The following TPRX1 variants were observed in gnomAD, a reference collection of about 807,000 sequenced individuals.
TPRX1 encodes the protein tetra-peptide repeat homeobox protein 1.
A neutral mutation model predicts 8.1 loss-of-function variants in TPRX1; 2 were observed. That is an observed-to-expected ratio of 0.25 (90% confidence interval 0.10 to 0.78). The LOEUF is 0.78. Ranked by LOEUF, TPRX1 falls within the 30% of genes least tolerant of loss-of-function variation. TPRX1 has a pLI of 0.70. For synonymous variants in TPRX1, 257 were observed against 254.1 expected (o/e 1.01, Z -0.11); for missense variants, 517 against 586.9 (o/e 0.88, Z 1.23).
At chr19:47,814,669 A>T (rs932482554) in intron 2 of TPRX1, among the ~76,000 whole-genome samples, 11 of 152,038 alleles carry the variant, frequency 7.2e-5, no homozygotes, top group Admixed American at 5.9e-4. Context: ...CTGAGCTGGG[A>T]ATGTTTTGGA....
Position 47,801,959 on chromosome 19 carries a change from G to A in TPRX1, c.1343C>T (p.Pro448Leu), listed in dbSNP as rs182909068. 2.2e-5 allele frequency: 36 copies of A among 1,614,140 alleles called. No homozygotes were observed. In the East Asian group the frequency reaches 4.9e-4, roughly 22 times the overall value. The change falls in exon 4 of 4, where the codon CCT (proline) becomes CTT (leucine). Residue 448 changes from proline to leucine, a missense_variant. Around this residue, in one of 3 missense-constraint regions of TPRX1, gnomAD observed 506 missense variants for 515.5 expected, o/e 0.98. Transcript: ENST00000535759. ...GGGTAGGAGCAGCTCTGTGAAGTGA[G>A]GGAATAACTGGGTGTCTGGCAAGAA... is the stretch of plus-strand genomic sequence containing the variant.
At chr19:47,817,742 G>C (rs572122643) in intron 2 of TPRX1, among the ~76,000 whole-genome samples, 2 of 152,338 alleles carry the variant, frequency 1.3e-5, no homozygotes, top group East Asian at 3.9e-4. Flanking sequence ...TGCAGAGGAG[G>C]AAACTGAGGC....
intron 2 of TPRX1, among the ~76,000 whole-genome samples, chr19:47,805,318 G>A (rs555772208): frequency 1.3e-5 from 2 of 152,250 alleles, no homozygotes; most frequent in African/African-American, 4.8e-5. Context: ...AAGCTGCATA[G>A]ACCTGTATCA....
At chr19:47,806,467 C>T (rs146540544) in intron 2 of TPRX1, among the ~76,000 whole-genome samples, 200 of 151,214 alleles carry the variant, frequency 1.3e-3, no homozygotes, top group African/African-American at 4.4e-3. Flanking sequence ...TTGCAGGGAG[C>T]TGAGATGGTG....
Position 47,808,025 on chromosome 19 carries a change from G to T in TPRX1, c.152-4352C>A, listed in dbSNP as rs192824674. On this transcript the variant is annotated intron_variant, in intron 2 of 3. Transcript: ENST00000535759. ...ACTCACTGCAACCTCGAACTCTGGG[G>T]TTTAAGCGATCCTGCAACCTCAGCC... Among the ~76,000 whole-genome samples, 9 of 152,262 alleles carry T rather than the reference G, an allele frequency of 5.9e-5. No homozygotes were observed. In the South Asian group the frequency reaches 1.9e-3, roughly 32 times the overall value.
At chr19:47,814,007 CT>C in intron 2 of TPRX1, among the ~76,000 whole-genome samples, 1 of 149,716 alleles carries the variant, frequency 6.7e-6, no homozygotes, top group Non-Finnish European at 1.5e-5. Flanking sequence ...GGCATATTCC[CT>C]GGCTGTTTAG....
chr19:47,815,805 C>T (rs902571425), intron 2 of TPRX1, among the ~76,000 whole-genome samples: 8 of 151,558 alleles, frequency 5.3e-5, no homozygotes, highest in Non-Finnish European at 1.0e-4. Flanking sequence ...GAGCAAGACC[C>T]TGTCTCAAAA....
chr19:47,803,086 GCC>G, intron 3 of TPRX1, 106 bp from the exon 3 acceptor site: 1 of 1,144,900 alleles, frequency 8.7e-7, no homozygotes, highest in Non-Finnish European at 1.1e-6. Context: ...GTGCTCAACA[GCC>G]CCCCATCCCC....
At chr19:47,802,122 C>T (rs375583239) in exon 4 of TPRX1, 2 of 1,583,724 alleles carry the variant, frequency 1.3e-6, no homozygotes, top group African/African-American at 1.4e-5. Context: ...GGAAGTGAGC[C>T]AGGGCTTCGC....
chr19:47,810,998 T>G (rs1266896233), intron 2 of TPRX1, among the ~76,000 whole-genome samples: 3 of 150,842 alleles, frequency 2.0e-5, no homozygotes, highest in African/African-American at 7.3e-5. Flanking sequence ...TCTCTGTTTT[T>G]TTTTTTTTTT....
exon 4 of TPRX1, chr19:47,802,074 C>G: frequency 9.4e-6 from 15 of 1,595,962 alleles, no homozygotes; most frequent in Non-Finnish European, 1.3e-5. Context: ...GAGCCTGAGC[C>G]TGGGCCTGAG....
At chr19:47,804,455 C>T (rs1213241647) in intron 2 of TPRX1, among the ~76,000 whole-genome samples, 60 bp downstream of exon 1, 4 of 152,218 alleles carry the variant, frequency 2.6e-5, no homozygotes, top group Admixed American at 2.0e-4. Context: ...CCCAGATTTG[C>T]ACTCTGCAGC....
chr19:47,801,874 A>T (rs1159240378), exon 4 of TPRX1: 1 of 1,614,142 alleles, frequency 6.2e-7, no homozygotes, highest in East Asian at 2.2e-5. Context: ...CCATAGAGTC[A>T]TCCCCTTCTT....
chr19:47,805,989 C>T (rs1967731786), intron 2 of TPRX1, among the ~76,000 whole-genome samples: 1 of 152,170 alleles, frequency 6.6e-6, no homozygotes, highest in Admixed American at 6.6e-5. Context: ...CTTTGGGAGG[C>T]TGAGGCAGGC....
intron 2 of TPRX1, among the ~76,000 whole-genome samples, 40 bp from the exon 1 acceptor site, chr19:47,804,591 C>T (rs10420761): frequency 0.067 from 10,176 of 152,276 alleles, 441 homozygotes; most frequent in Middle Eastern, 0.11. Flanking sequence ...AAGGGCTTGG[C>T]TCTTAAATCA....
exon 4 of TPRX1, chr19:47,801,572 A>G: frequency 5.0e-6 from 3 of 599,432 alleles, no homozygotes; most frequent in Non-Finnish European, 8.3e-6. Context: ...ATCCCAGCAG[A>G]GAAACGCTCA....
At chr19:47,812,000 G>A (rs1248663509) in intron 2 of TPRX1, among the ~76,000 whole-genome samples, 1 of 151,862 alleles carries the variant, frequency 6.6e-6, no homozygotes, top group African/African-American at 2.4e-5. Context: ...CCAAGTAGCT[G>A]GGATTACAGG....
chr19:47,809,515 T>C (rs1001268673), intron 2 of TPRX1, among the ~76,000 whole-genome samples: 3 of 152,052 alleles, frequency 2.0e-5, no homozygotes, highest in Non-Finnish European at 4.4e-5. Context: ...ACTCCTGACC[T>C]CAAGTGATCC....
intron 2 of TPRX1, among the ~76,000 whole-genome samples, chr19:47,809,517 A>T (rs1967763802): frequency 6.6e-6 from 1 of 152,050 alleles, no homozygotes; most frequent in Admixed American, 6.6e-5. Flanking sequence ...TCCTGACCTC[A>T]AGTGATCCAT....
Sources: allele counts gnomAD v4.1 joint callset (sites outside exome capture counted in the v4.1 genomes callset), GRCh38; gene constraint gnomAD v4.1.1; regional missense constraint gnomAD v4.1.1; transcripts MANE v1.5; gene names NCBI Gene and HGNC (gene_info 2026-07-23, HGNC 2026-07-21).